The following CLUH variants were observed in gnomAD, a reference collection of about 807,000 sequenced individuals.
CLUH encodes CLUH binding protein of NUMT mRNA.
In CLUH, 77 loss-of-function variants were observed where a neutral mutation model predicts 139.3. That is an observed-to-expected ratio of 0.55 (90% CI 0.46 to 0.67). The LOEUF (loss-of-function observed/expected upper bound fraction) is 0.67. Among genes scored for constraint, CLUH ranks in the 30% least tolerant of loss-of-function variants. The pLI is 0.00. For missense variants in CLUH, 1,876 were observed against 1,875.8 expected (o/e 1.00, Z 0.00); for synonymous variants, 999 against 801.6 (o/e 1.25, Z -4.16).
rs112186260 is a variant in CLUH, at chr17:2,693,687, G to A, written c.3231+213C>T. ...CCCTGTGGGGGGGTCCCCTGCCATC[G>A]CCTCCCAGAACTGACCTCACCGCAG... is the stretch of plus-strand genomic sequence containing the variant. On this transcript the variant is annotated intron_variant, in intron 19 of 25. Transcript: ENST00000651024. Among the ~76,000 whole-genome samples, 4,580 of 152,202 alleles carry A rather than the reference G, an allele frequency of 0.03. 237 individuals are homozygous for A. The highest frequency in any genetic ancestry group is 0.1 in the African/African-American group (4,348 of 41,502).
At chr17:2,702,270 A>T (rs2070214752) in intron 3 of CLUH, among the ~76,000 whole-genome samples, 1 of 152,240 alleles carries the variant, frequency 6.6e-6, no homozygotes, top group Non-Finnish European at 1.5e-5. Flanking sequence ...ACTGGTGAGC[A>T]GGGATCTTTG....
chr17:2,699,357 G>A (rs940869972), intron 9 of CLUH, among the ~76,000 whole-genome samples: 17 of 152,228 alleles, frequency 1.1e-4, no homozygotes, highest in South Asian at 4.1e-4. Flanking sequence ...AGGGTATCAC[G>A]CTGTTGCCAA....
rs1448654655 is a variant in CLUH, at chr17:2,690,439, A to G, written c.*155T>C. On this transcript the variant is annotated 3_prime_UTR_variant, in exon 26 of 26. Transcript: ENST00000651024. ...CAAAAACACCTTCTGCGGGGCAGGC[A>G]GGCCAGGCTCCCAGGAGGACACGGG... The G allele has an allele frequency of 1.8e-6, 1 of 569,580 alleles. No individual in the cohort carries two copies. The highest frequency in any genetic ancestry group is 3.5e-5 in the East Asian group (1 of 28,732). 35.3% of individuals were successfully genotyped at this position (569,580 alleles called of 1,614,324 possible).
At chr17:2,709,893 G>A (rs2070460826) in intron 1 of CLUH, among the ~76,000 whole-genome samples, 1 of 152,154 alleles carries the variant, frequency 6.6e-6, no homozygotes, top group Admixed American at 6.5e-5. Context: ...CTGCCCACGA[G>A]TATGCTCCCA....
intron 19 of CLUH, among the ~76,000 whole-genome samples, chr17:2,693,310 C>T (rs371673597): frequency 5.9e-5 from 9 of 152,006 alleles, no homozygotes; most frequent in Admixed American, 5.9e-4. Context: ...GTGGGAGAAT[C>T]GCTTGAGCCC....
chr17:2,694,610 C>T, intron 16 of CLUH, 46 bp from the exon 17 acceptor site: 1 of 1,489,162 alleles, frequency 6.7e-7, no homozygotes, highest in Middle Eastern at 1.9e-4. Flanking sequence ...ACCGCCGGGC[C>T]CCCCCAACAC....
In CLUH at chr17:2,691,905, G is replaced by C. The variant is rs756411722; in HGVS notation, c.3655-10C>G. 3 of 1,515,238 alleles carry C rather than the reference G, an allele frequency of 2.0e-6. No homozygotes were observed. The highest frequency in any genetic ancestry group is 4.1e-5 in the Admixed American group (2 of 48,994). 93.9% of individuals were successfully genotyped at this position (1,515,238 alleles called of 1,614,324 possible). ...CATGGTCCTCGCCCAGCTGCGGGGAGGCGGGAAGGGATCAGGCCCCCCCGT... is the reference window on the plus strand; with the variant it reads ...CATGGTCCTCGCCCAGCTGCGGGGACGCGGGAAGGGATCAGGCCCCCCCGT... On this transcript the variant is annotated splice_polypyrimidine_tract_variant and intron_variant, in intron 23 of 25. Coordinates refer to ENST00000651024, the MANE Select transcript of CLUH (RefSeq NM_001366661.1).
At chr17:2,694,620 C>T (rs2069855411) in intron 16 of CLUH, 56 bp from the exon 17 acceptor site, 2 of 1,471,452 alleles carry the variant, frequency 1.4e-6, no homozygotes, top group South Asian at 2.4e-5. Context: ...CCCCCCAACA[C>T]CGCCCCACCC....
rs747122833 is a variant in CLUH at position 2,692,630 on chromosome 17, C to T, written c.3379G>A (p.Ala1127Thr). 6.2e-7 allele frequency: 1 copy of T among 1,612,828 alleles called. No homozygotes were observed. ...LSTALSLLYR[A>T]RYLMLLVFGE... ...AACACCAGCAGCATGAGGTAGCGGG[C>T]GCGGTACAGCAGGCTCAGGGCGGTG... Residue 1127 changes from alanine to threonine, a missense_variant, in exon 21 of 26, where the codon GCC becomes ACC. By Grantham distance (58) the Ala-to-Thr change is moderately conservative. Coordinates refer to ENST00000651024, the MANE Select transcript of CLUH (RefSeq NM_001366661.1).
At chr17:2,708,860 CG>C (rs58322536) in intron 1 of CLUH, among the ~76,000 whole-genome samples, 6,702 of 44,134 alleles carry the variant, frequency 0.15, 571 homozygotes, top group African/African-American at 0.29. Context: ...AGCCTCTACT[CG>C]GGGGGGGGGG....
chr17:2,696,125 C>T (rs1221962422), intron 13 of CLUH, 34 bp downstream of exon 13: 3 of 1,507,504 alleles, frequency 2.0e-6, no homozygotes, highest in Non-Finnish European at 1.8e-6. Context: ...ACCCTCCACA[C>T]AAGCCCCACC....
In CLUH at chr17:2,689,423, AATG is replaced by A. The variant is rs1335681511; in HGVS notation, c.*1168_*1170del. The A allele has an allele frequency of 6.6e-6, 1 of 152,666 alleles. No homozygotes were observed. The highest frequency in any genetic ancestry group is 1.5e-5 in the Non-Finnish European group (1 of 68,066). The allele number at this position is 152,666 out of a possible 1,614,324, so 9.5% of individuals were successfully genotyped here. A position where few individuals can be genotyped will look rare whatever the true frequency, so the allele number is the denominator to read the frequency against. On this transcript the variant is annotated 3_prime_UTR_variant, in exon 26 of 26. Coordinates refer to ENST00000651024, the MANE Select transcript of CLUH (RefSeq NM_001366661.1). ...AAAAACTCACTTTATTCCAATGTGA[AATG>A]AGGACGTGATGGTTTAAAAACAAGA... is the stretch of plus-strand genomic sequence containing the variant.
At chr17:2,705,903 C>T (rs1261621065) in intron 1 of CLUH, among the ~76,000 whole-genome samples, 6 of 152,188 alleles carry the variant, frequency 3.9e-5, no homozygotes, top group Admixed American at 2.6e-4. Flanking sequence ...AGCCAAGGAT[C>T]GCCTCTCAGT....
At chr17:2,702,868 A>G (rs1165716115) in intron 3 of CLUH, among the ~76,000 whole-genome samples, 1 of 149,126 alleles carries the variant, frequency 6.7e-6, no homozygotes, top group Non-Finnish European at 1.5e-5. Flanking sequence ...CTTGTTGCCC[A>G]TGCTGGAGTG....
rs2070366191 is a variant in CLUH, at chr17:2,706,872, G to C, written c.101-2308C>G. The stretch of plus-strand genomic sequence containing the variant: ...GTGGGGAGTCAAATACCTAGACAGA[G>C]ACAGCCTGTGTTCTTTCGCATGTCT... On this transcript the variant is annotated intron_variant, in intron 1 of 25. Transcript: ENST00000651024. This position sits in a 1 kb window ranked among gnomAD's most constrained non-coding sequence, Gnocchi z 4.6. Among the ~76,000 whole-genome samples the C allele has an allele frequency of 6.6e-6, 1 of 152,222 alleles. No individual in the cohort carries two copies. Among genetic ancestry groups the C allele is most frequent in the Non-Finnish European group, 1.5e-5 (1 of 68,040 alleles).
chr17:2,697,221 A>G (rs1206822356), intron 10 of CLUH, among the ~76,000 whole-genome samples: 1 of 152,000 alleles, frequency 6.6e-6, no homozygotes, highest in Non-Finnish European at 1.5e-5. Context: ...ACCATGGAGA[A>G]ACCCCGTCTC....
chr17:2,696,846 G>T lies in CLUH; in HGVS notation c.2058C>A (p.Ser686=). 1 of 1,613,598 alleles carries T rather than the reference G, an allele frequency of 6.2e-7. No individual in the cohort carries two copies. The highest frequency in any genetic ancestry group is 8.5e-7 in the Non-Finnish European group (1 of 1,179,876). ...GATCCTCAGACTTGGACTCCAAGGA[G>T]GAAGGACCACCATTTTCCAGGGAGG... is the stretch of plus-strand genomic sequence containing the variant. ...TPSSLENGGP[S]SLESKSEDPP... Residue 686 remains serine, a synonymous_variant, in exon 11 of 26, where the codon TCC becomes TCA. Coordinates refer to ENST00000651024, the MANE Select transcript of CLUH (RefSeq NM_001366661.1).
At chr17:2,692,241 G>T (rs2240732) in intron 22 of CLUH, 120 bp downstream of exon 22, 726,959 of 1,426,370 alleles carry the variant, frequency 0.51, 188,731 homozygotes, top group Admixed American at 0.58. Context: ...GGGAAGAGGG[G>T]GAGGTCGAGA....
chr17:2,692,904 C>T (rs771060433), intron 19 of CLUH, 44 bp from the exon 20 acceptor site: 10 of 1,528,216 alleles, frequency 6.5e-6, no homozygotes, highest in South Asian at 1.3e-5. Flanking sequence ...GGAACCCCCA[C>T]TGCACCCAGA....
Sources: allele counts gnomAD v4.1 joint callset (sites outside exome capture counted in the v4.1 genomes callset), GRCh38; gene constraint gnomAD v4.1.1; non-coding constraint Gnocchi (gnomAD v3.1); transcripts MANE v1.5; gene names NCBI Gene and HGNC (gene_info 2026-07-23, HGNC 2026-07-21).